Variants in CSMD1 observed in about 807,000 individuals in gnomAD.
The protein encoded by CSMD1 is CUB and sushi domain-containing protein 1.
CSMD1 carries 213 observed loss-of-function variants against 417.5 expected under a neutral mutation model. The observed-to-expected ratio is 0.51, with a 90% confidence interval of 0.46 to 0.57. The LOEUF is 0.57. Among genes scored for constraint, CSMD1 ranks in the 20% least tolerant of loss-of-function variants. CSMD1 has a pLI of 0.00. For synonymous variants in CSMD1, 2,862 were observed against 1,736.8 expected (o/e 1.65, Z -16.11); for missense variants, 6,923 against 4,529.7 (o/e 1.53, Z -15.17).
chr8:4,902,081 T>A (rs1391875947), intron 1 of CSMD1, among the ~76,000 whole-genome samples: 1 of 152,150 alleles, frequency 6.6e-6, no homozygotes, highest in Non-Finnish European at 1.5e-5. Context: ...TATATGTGTA[T>A]ATTTGTTGAT....
At chr8:3,366,669 A>C (rs1213674859) in intron 20 of CSMD1, among the ~76,000 whole-genome samples, 1 of 152,218 alleles carries the variant, frequency 6.6e-6, no homozygotes, top group East Asian at 1.9e-4. Context: ...CAATCAGGTG[A>C]CAACAGACCC....
chr8:4,026,122 A>G lies in CSMD1; in HGVS notation c.610+5783T>C, dbSNP rs182009302. Among the ~76,000 whole-genome samples the G allele has an allele frequency of 1.3e-3, 203 of 152,294 alleles. 1 individual carries two copies. The highest frequency in any genetic ancestry group is 4.5e-3 in the African/African-American group (186 of 41,570). Reference sequence around the variant, plus strand: ...ATTCGTGTGAATTATCTCAGTCCATATGGTTGAAATTTACATCTCTCATAA... The same window carrying G: ...ATTCGTGTGAATTATCTCAGTCCATGTGGTTGAAATTTACATCTCTCATAA... On this transcript the variant is annotated intron_variant, in intron 4 of 69. Coordinates refer to ENST00000635120, the MANE Select transcript of CSMD1 (RefSeq NM_033225.6).
At position 3,849,402 on chromosome 8, in the gene CSMD1, A is replaced by T. The variant is rs147277521; in HGVS notation, c.819-95360T>A. Among the ~76,000 whole-genome samples the T allele has an allele frequency of 2.0e-4, 30 of 152,306 alleles. 1 individual carries two copies. The highest frequency in any genetic ancestry group is 7.2e-4 in the African/African-American group (30 of 41,584). On this transcript the variant is annotated intron_variant, in intron 5 of 69. Transcript: ENST00000635120. ...CATCACAGGCGCCAAGGAAGGACGG[A>T]CGAAAGGGAGTCCTTGCTTAAATGT...
At chr8:3,522,040 C>T (rs79509695) in intron 10 of CSMD1, among the ~76,000 whole-genome samples, 1,836 of 152,186 alleles carry the variant, frequency 0.012, 22 homozygotes, top group Non-Finnish European at 0.019. Context: ...TAGAGTATTG[C>T]CTGTGTGAAT....
Position 4,140,493 on chromosome 8 carries a change from AAAAC to A in CSMD1, c.416-108398_416-108395del, listed in dbSNP as rs771767294. Among the ~76,000 whole-genome samples the A allele has an allele frequency of 3.1e-4, 41 of 132,992 alleles. 2 individuals carry two copies. The highest frequency in any genetic ancestry group is 8.5e-4 in the Admixed American group (11 of 12,914). The allele number at this position is 132,992 out of a possible 152,430, so 87.2% of individuals were successfully genotyped here. A position where few individuals can be genotyped will look rare whatever the true frequency, so the allele number is the denominator to read the frequency against. Reference sequence around the variant, plus strand: ...AGTATAAGCAACAAAATCCATCTCAAAAACAAACAAACAAACAAACAAAAATTAG... The same window carrying A: ...AGTATAAGCAACAAAATCCATCTCAAAAACAAACAAACAAACAAAAATTAG... On this transcript the variant is annotated intron_variant, in intron 3 of 69. Transcript: ENST00000635120.
intron 3 of CSMD1, among the ~76,000 whole-genome samples, chr8:4,291,172 G>C (rs1193228882): frequency 2.0e-5 from 3 of 151,886 alleles, no homozygotes; most frequent in Non-Finnish European, 4.4e-5. Flanking sequence ...ATTCTCTTTA[G>C]TGTTGCATAA....
chr8:4,944,069 A>G (rs1488134006), intron 1 of CSMD1, among the ~76,000 whole-genome samples: 1 of 152,206 alleles, frequency 6.6e-6, no homozygotes, highest in Non-Finnish European at 1.5e-5. Context: ...AAGATGTTTG[A>G]TAGACAGGAG....
chr8:4,608,481 A>G (rs556879932), intron 2 of CSMD1, among the ~76,000 whole-genome samples: 35 of 152,350 alleles, frequency 2.3e-4, no homozygotes, highest in South Asian at 2.1e-3. Context: ...CAGAGTGTCA[A>G]GAAACTGATG....
intron 6 of CSMD1, among the ~76,000 whole-genome samples, chr8:3,753,500 G>A (rs1291162456): frequency 6.6e-6 from 1 of 152,060 alleles, no homozygotes. Context: ...ACTGAATCAT[G>A]CATTTATGTG....
At chr8:4,186,966 A>G (rs960911503) in intron 3 of CSMD1, among the ~76,000 whole-genome samples, 2 of 152,178 alleles carry the variant, frequency 1.3e-5, no homozygotes, top group Non-Finnish European at 2.9e-5. Flanking sequence ...TGGGTGACAC[A>G]GCAAGATTCT....
chr8:3,684,820 T>A (rs553527568), intron 7 of CSMD1, among the ~76,000 whole-genome samples: 1 of 152,126 alleles, frequency 6.6e-6, no homozygotes, highest in Non-Finnish European at 1.5e-5. Flanking sequence ...TAGATCATAT[T>A]CCAAACTAGT....
intron 5 of CSMD1, among the ~76,000 whole-genome samples, chr8:3,888,733 C>G (rs1806737684): frequency 1.3e-5 from 2 of 152,132 alleles, no homozygotes; most frequent in African/African-American, 2.4e-5. Context: ...TATTGAGTCC[C>G]AGTCTCTGGG....
intron 3 of CSMD1, among the ~76,000 whole-genome samples, chr8:4,212,687 A>G (rs1376110580): frequency 6.6e-6 from 1 of 151,306 alleles, no homozygotes; most frequent in Non-Finnish European, 1.5e-5. Flanking sequence ...AGAAATAATT[A>G]GTTATATGTA....
chr8:4,197,363 G>A (rs1164073506), intron 3 of CSMD1, among the ~76,000 whole-genome samples: 1 of 152,220 alleles, frequency 6.6e-6, no homozygotes, highest in African/African-American at 2.4e-5. Flanking sequence ...AGACATTATT[G>A]TGGGTGTGTC....
chr8:4,752,823 A>G (rs2407592), intron 1 of CSMD1, among the ~76,000 whole-genome samples: 67,286 of 151,992 alleles, frequency 0.44, 15,569 homozygotes, highest in East Asian at 0.62. Flanking sequence ...AGAAGGATGG[A>G]GGCAAAGTTC....
rs186434148 is a variant in CSMD1, at chr8:3,468,800, G to A, written c.1473C>T (p.Asp491=). The A allele has an allele frequency of 1.2e-6, 2 of 1,601,506 alleles. No homozygotes were observed. Among genetic ancestry groups the A allele is most frequent in the East Asian group, 2.2e-5 (1 of 44,578 alleles). ...LYVLTGSSVP[D]LIVSMSNQMW... ...TCTGGTTGCTCATGCTCACAATGAG[G>A]TCAGGAACACTGGATCCCGTGAGCC... Residue 491 remains aspartate, a synonymous_variant, in exon 12 of 70, where the codon GAC becomes GAT. Transcript: ENST00000635120.
At chr8:3,853,649 G>A (rs771070533) in intron 5 of CSMD1, among the ~76,000 whole-genome samples, 2 of 151,876 alleles carry the variant, frequency 1.3e-5, no homozygotes, top group Non-Finnish European at 2.9e-5. Context: ...ATGCTCCTCC[G>A]AAGGACCATC....
At chr8:4,883,509 T>C (rs1176959459) in intron 1 of CSMD1, among the ~76,000 whole-genome samples, 1 of 152,114 alleles carries the variant, frequency 6.6e-6, no homozygotes, top group Non-Finnish European at 1.5e-5. Flanking sequence ...CAACCAGATG[T>C]TGACAACCAC....
At chr8:4,065,525 T>C (rs1334661842) in intron 3 of CSMD1, among the ~76,000 whole-genome samples, 2 of 151,052 alleles carry the variant, frequency 1.3e-5, no homozygotes, top group Admixed American at 6.6e-5. Flanking sequence ...AGTTACGGTA[T>C]CAAGAAACTG....
Sources: allele counts gnomAD v4.1 joint callset (sites outside exome capture counted in the v4.1 genomes callset), GRCh38; gene constraint gnomAD v4.1.1; transcripts MANE v1.5; gene names NCBI Gene and HGNC (gene_info 2026-07-23, HGNC 2026-07-21).